Variants in UNC13C observed in about 807,000 individuals in gnomAD.
UNC13C encodes the protein unc-13 homolog C.
Under a neutral mutation model 245.4 loss-of-function variants are expected in UNC13C, and 174 were observed. The observed-to-expected ratio is 0.71, with a 90% confidence interval of 0.63 to 0.80. The LOEUF (loss-of-function observed/expected upper bound fraction) is 0.80, where lower values mean the gene tolerates loss of function less well. Among genes scored for constraint, UNC13C ranks in the 30% least tolerant of loss-of-function variants. The pLI, the probability that UNC13C is intolerant of heterozygous loss-of-function variation, is 0.00. For synonymous variants in UNC13C, 992 were observed against 895.1 expected (o/e 1.11, Z -1.93); for missense variants, 2,829 against 2,602.9 (o/e 1.09, Z -1.89).
intron 17 of UNC13C, among the ~76,000 whole-genome samples, chr15:54,378,905 T>G (rs972732069): frequency 9.9e-5 from 15 of 152,114 alleles, no homozygotes; most frequent in Middle Eastern, 6.8e-3. Context: ...CCACTTAGAG[T>G]GCTCAAACAC....
chr15:53,867,523 G>C, the UNC13C span, among the ~76,000 whole-genome samples: 43,842 of 152,078 alleles, frequency 0.29, 7,573 homozygotes, highest in Non-Finnish European at 0.37. Context: ...CTGAAGGCTC[G>C]AGGTATCCAC....
intron 30 of UNC13C, among the ~76,000 whole-genome samples, chr15:54,590,001 A>T (rs570761178): frequency 6.6e-6 from 1 of 152,280 alleles, no homozygotes; most frequent in South Asian, 2.1e-4. Context: ...TCATTCTCCT[A>T]CATGTGGCTA....
intron 24 of UNC13C, among the ~76,000 whole-genome samples, chr15:54,522,604 G>A (rs1351248922): frequency 6.6e-6 from 1 of 152,152 alleles, no homozygotes; most frequent in African/African-American, 2.4e-5. Context: ...GTAAAACTCA[G>A]TTAATACCTA....
At chr15:53,887,268 TG>T in the UNC13C span, among the ~76,000 whole-genome samples, 1 of 152,214 alleles carries the variant, frequency 6.6e-6, no homozygotes, top group African/African-American at 2.4e-5. Flanking sequence ...ATTAAAATAT[TG>T]ACTGCATTAA....
downstream of UNC13C, chr15:54,630,098 T>C (rs2433022): frequency 6.6e-6 from 1 of 152,162 alleles, no homozygotes. Context: ...ATTCATCTTA[T>C]TCTAGATAAA....
chr15:54,011,099 T>G (rs758533800), intron 1 of UNC13C, among the ~76,000 whole-genome samples: 19 of 152,108 alleles, frequency 1.2e-4, no homozygotes, highest in Admixed American at 4.6e-4. Flanking sequence ...AATGATATTC[T>G]GGCTAGAGAG....
Position 54,343,195 on chromosome 15 carries a change from G to A in UNC13C, c.4713+4706G>A, listed in dbSNP as rs537752275. On this transcript the variant is annotated intron_variant, in intron 17 of 32. Transcript: ENST00000260323. ...GTCACCCAGACTGGAGCGCAGTGGC[G>A]CAATCTCGGCTCACTGCAAACTCCG... Among the ~76,000 whole-genome samples, 267 of 150,238 alleles carry A rather than the reference G, an allele frequency of 1.8e-3. 1 individual carries two copies. The highest frequency in any genetic ancestry group is 6.2e-3 in the African/African-American group (253 of 40,752).
intron 19 of UNC13C, among the ~76,000 whole-genome samples, chr15:54,477,646 C>G (rs952035910): frequency 1.5e-5 from 2 of 130,738 alleles, no homozygotes; most frequent in Admixed American, 1.5e-4. Flanking sequence ...GCCTTGAATC[C>G]CAGGGATGAA....
At chr15:54,408,356 C>T (rs1470155725) in intron 18 of UNC13C, among the ~76,000 whole-genome samples, 1 of 151,968 alleles carries the variant, frequency 6.6e-6, no homozygotes, top group Non-Finnish European at 1.5e-5. Context: ...CTTTACATCT[C>T]CTCTAAATAT....
intron 7 of UNC13C, among the ~76,000 whole-genome samples, chr15:54,243,019 G>T (rs79427813): frequency 0.025 from 3,860 of 152,026 alleles, 159 homozygotes; most frequent in African/African-American, 0.089. Flanking sequence ...ACATGTGCAG[G>T]ATGTGCTTGT....
intron 2 of UNC13C, among the ~76,000 whole-genome samples, chr15:54,113,884 A>G (rs899184715): frequency 3.3e-5 from 5 of 152,154 alleles, no homozygotes; most frequent in African/African-American, 1.2e-4. Context: ...AATAATCTGT[A>G]ATAATTAAAA....
chr15:54,591,304 AGAAT>A (rs145070099), intron 30 of UNC13C, among the ~76,000 whole-genome samples: 6,502 of 152,230 alleles, frequency 0.043, 237 homozygotes, highest in Admixed American at 0.12. Context: ...CTGGCTTCAC[AGAAT>A]GAATTAAGGA....
intron 1 of UNC13C, among the ~76,000 whole-genome samples, chr15:53,999,241 T>C (rs1894774342): frequency 6.6e-6 from 1 of 151,870 alleles, no homozygotes; most frequent in Non-Finnish European, 1.5e-5. Context: ...TTATGGAAGA[T>C]ATTTGATTAC....
At chr15:54,466,997 A>T (rs1459692722) in intron 19 of UNC13C, among the ~76,000 whole-genome samples, 1 of 151,848 alleles carries the variant, frequency 6.6e-6, no homozygotes, top group Non-Finnish European at 1.5e-5. Flanking sequence ...TATTCTAGAG[A>T]AGTAGTTCCA....
chr15:53,887,722 C>T, the UNC13C span, among the ~76,000 whole-genome samples: 1 of 151,768 alleles, frequency 6.6e-6, no homozygotes. Flanking sequence ...TACGCCCCAC[C>T]CCCCGATAGT....
chr15:54,009,968 T>G (rs1276840892), intron 1 of UNC13C, among the ~76,000 whole-genome samples: 1 of 152,148 alleles, frequency 6.6e-6, no homozygotes, highest in African/African-American at 2.4e-5. Flanking sequence ...CTGATTGTAT[T>G]TTGTCAATCC....
At chr15:54,306,208 C>A (rs1459450711) in intron 13 of UNC13C, among the ~76,000 whole-genome samples, 1 of 151,884 alleles carries the variant, frequency 6.6e-6, no homozygotes, top group African/African-American at 2.4e-5. Context: ...TGTGAGGGTA[C>A]CATTTATTAG....
chr15:54,400,650 T>G (rs61404786), intron 18 of UNC13C, among the ~76,000 whole-genome samples: 4 of 152,184 alleles, frequency 2.6e-5, no homozygotes, highest in Non-Finnish European at 4.4e-5. Flanking sequence ...GTCTTATTTC[T>G]TCATTGAAAA....
chr15:54,537,307 C>T (rs1244719522), intron 26 of UNC13C, among the ~76,000 whole-genome samples: 1 of 151,846 alleles, frequency 6.6e-6, no homozygotes, highest in East Asian at 1.9e-4. Flanking sequence ...ACAAGAATTA[C>T]AAAATATTGC....
Sources: allele counts gnomAD v4.1 joint callset (sites outside exome capture counted in the v4.1 genomes callset), GRCh38; gene constraint gnomAD v4.1.1; transcripts MANE v1.5; gene names NCBI Gene and HGNC (gene_info 2026-07-23, HGNC 2026-07-21).